Variants in USP6NL observed in about 807,000 individuals in gnomAD.
USP6NL encodes the protein USP6 N-terminal like.
In USP6NL, 26 loss-of-function variants were observed where a neutral mutation model predicts 61.9. The ratio of observed to expected loss-of-function variants is 0.42; its 90% CI spans 0.31 to 0.58. The LOEUF (loss-of-function observed/expected upper bound fraction) is 0.58. Among genes scored for constraint, USP6NL ranks in the 20% least tolerant of loss-of-function variants. The probability of loss-of-function intolerance (pLI) is 0.16; values close to 1 mark genes in which losing one functional copy is unlikely to be tolerated. For synonymous variants in USP6NL, 432 were observed against 390.1 expected (o/e 1.11, Z -1.27); for missense variants, 1,114 against 1,034.3 (o/e 1.08, Z -1.06).
intron 14 of USP6NL, among the ~76,000 whole-genome samples, chr10:11,471,246 G>C (rs1435159988): frequency 2.0e-5 from 3 of 152,074 alleles, no homozygotes; most frequent in Admixed American, 1.3e-4. Flanking sequence ...ATAGGAATTG[G>C]AATAAAGACT....
chr10:11,566,287 C>T (rs1837152003), intron 2 of USP6NL, among the ~76,000 whole-genome samples: 1 of 152,158 alleles, frequency 6.6e-6, no homozygotes, highest in Non-Finnish European at 1.5e-5. Flanking sequence ...CATATATAAA[C>T]AGTTTCTCAA....
intron 2 of USP6NL, chr10:11,564,877 T>A (rs1566184429): frequency 6.6e-6 from 1 of 152,258 alleles, no homozygotes; most frequent in Admixed American, 6.5e-5. Flanking sequence ...TCCATTAACA[T>A]GATACAAAGT....
chr10:11,490,033 G>A lies in USP6NL; in HGVS notation c.543+799C>T, dbSNP rs1833642649. Among the ~76,000 whole-genome samples the A allele has an allele frequency of 6.6e-6, 1 of 152,192 alleles. No individual in the cohort carries two copies. The highest frequency in any genetic ancestry group is 2.4e-5 in the African/African-American group (1 of 41,436). ...GCCCCCAGAATGGGAGAGATGGAAGGTGCAGCTTTCCTTCTCACCAGACGC... is the reference window on the plus strand; with the variant it reads ...GCCCCCAGAATGGGAGAGATGGAAGATGCAGCTTTCCTTCTCACCAGACGC... On this transcript the variant is annotated intron_variant, in intron 9 of 14. Coordinates refer to ENST00000609104, the MANE Select transcript of USP6NL (RefSeq NM_014688.5). The surrounding 1 kb of genome is among the most constrained non-coding windows in gnomAD (Gnocchi z 4.5).
chr10:11,527,659 T>A lies in USP6NL; in HGVS notation c.5-92A>T, dbSNP rs1479073347. 3 of 1,107,796 alleles carry A rather than the reference T, an allele frequency of 2.7e-6. No homozygotes were observed. In the African/African-American group the frequency reaches 4.8e-5, roughly 18 times the overall value. The allele number at this position is 1,107,796 out of a possible 1,614,324, so 68.6% of individuals were successfully genotyped here. On this transcript the variant is annotated intron_variant, in intron 2 of 14. Transcript: ENST00000609104. ...AACTAAGACATAATAAAACAAAAAA[T>A]AAATACTGCCTAAAATGACAAATCA...
chr10:11,510,241 T>C lies in USP6NL; in HGVS notation c.196-566A>G, dbSNP rs943096443. ...GACAATGGACAAGGAACACACTGCGTTGTGGCAGGCACTGGCACAGGCAGG... is the reference window on the plus strand; with the variant it reads ...GACAATGGACAAGGAACACACTGCGCTGTGGCAGGCACTGGCACAGGCAGG... On this transcript the variant is annotated intron_variant, in intron 5 of 14. Transcript: ENST00000609104. The surrounding 1 kb of genome is among the most constrained non-coding windows in gnomAD (Gnocchi z 4.8). Among the ~76,000 whole-genome samples, 21 of 152,186 alleles carry C rather than the reference T, an allele frequency of 1.4e-4. No homozygotes were observed. The highest frequency in any genetic ancestry group is 1.3e-3 in the Admixed American group (20 of 15,274).
chr10:11,483,302 A>G (rs1833282975), intron 13 of USP6NL, among the ~76,000 whole-genome samples: 1 of 151,864 alleles, frequency 6.6e-6, no homozygotes, highest in Non-Finnish European at 1.5e-5. Context: ...GGGTAAAGAA[A>G]CTTTTTACTT....
rs571303565 is a variant in USP6NL at position 11,476,617 on chromosome 10, G to T, written c.1078+5153C>A. ...TTACATCATATTTCTCTGTATTTTTGATAGTTTTCATAAGTAAAATAAAAG... is the reference window on the plus strand; with the variant it reads ...TTACATCATATTTCTCTGTATTTTTTATAGTTTTCATAAGTAAAATAAAAG... On this transcript the variant is annotated intron_variant, in intron 14 of 14. Transcript: ENST00000609104. This position sits in a 1 kb window ranked among gnomAD's most constrained non-coding sequence, Gnocchi z 4.3. Among the ~76,000 whole-genome samples the T allele has an allele frequency of 6.6e-6, 1 of 152,104 alleles. No homozygotes were observed. The highest frequency in any genetic ancestry group is 1.5e-5 in the Non-Finnish European group (1 of 67,992).
Position 11,562,835 on chromosome 10 carries a change from TAGTA to T in USP6NL, c.4+34792_4+34795del. ...TAGTAAATAAGTTTTAGAAGAATAA[TAGTA>T]AGGGTCTTTTGGTAGTTTCTTGAAA... is the stretch of plus-strand genomic sequence containing the variant. On this transcript the variant is annotated intron_variant, in intron 2 of 14. Coordinates refer to ENST00000609104, the MANE Select transcript of USP6NL (RefSeq NM_014688.5). This position sits in a 1 kb window ranked among gnomAD's most constrained non-coding sequence, Gnocchi z 4.8. 2 of 951,210 alleles carry T rather than the reference TAGTA, an allele frequency of 2.1e-6. No individual in the cohort carries two copies. 58.9% of individuals were successfully genotyped at this position (951,210 alleles called of 1,614,324 possible).
In USP6NL at chr10:11,556,726, A is replaced by G. The variant is rs370962351; in HGVS notation, c.5-29159T>C. On this transcript the variant is annotated intron_variant, in intron 2 of 14. Coordinates refer to ENST00000609104, the MANE Select transcript of USP6NL (RefSeq NM_014688.5). Reference sequence around the variant, plus strand: ...AACAATCAACCCAAGAGGAAGACCTAAGGATGGACCTAGTAACACAGTTTC... The same window carrying G: ...AACAATCAACCCAAGAGGAAGACCTGAGGATGGACCTAGTAACACAGTTTC... Among the ~76,000 whole-genome samples the G allele has an allele frequency of 8.5e-5, 13 of 152,364 alleles. No individual in the cohort carries two copies. In the South Asian group the frequency reaches 2.7e-3, roughly 32 times the overall value.
Position 11,496,657 on chromosome 10 carries a change from A to C in USP6NL, c.385-3429T>G, listed in dbSNP as rs1338571364. Among the ~76,000 whole-genome samples the C allele has an allele frequency of 6.6e-6, 1 of 152,184 alleles. No homozygotes were observed. Among genetic ancestry groups the C allele is most frequent in the Non-Finnish European group, 1.5e-5 (1 of 68,030 alleles). On this transcript the variant is annotated intron_variant, in intron 7 of 14. Transcript: ENST00000609104. This position sits in a 1 kb window ranked among gnomAD's most constrained non-coding sequence, Gnocchi z 5.4. ...ATACATATGTTATATTGACCTATTT[A>C]CCATGTACTGGTAATACGGACTTCT...
rs190250336 is a variant in USP6NL at position 11,505,661 on chromosome 10, T to A, written c.276+3934A>T. Among the ~76,000 whole-genome samples, 332 of 152,304 alleles carry A rather than the reference T, an allele frequency of 2.2e-3. 1 individual carries two copies. The highest frequency in any genetic ancestry group is 7.7e-3 in the African/African-American group (321 of 41,574). On this transcript the variant is annotated intron_variant, in intron 6 of 14. Transcript: ENST00000609104. ...AGTCTACAGTAGTCCCACAGAAACA[T>A]TTAAAAATCTATGGACTTAAAAAAA...
At chr10:11,542,175 T>G (rs190900812) in intron 2 of USP6NL, among the ~76,000 whole-genome samples, 1 of 152,204 alleles carries the variant, frequency 6.6e-6, no homozygotes, top group African/African-American at 2.4e-5. Flanking sequence ...TAATATTCAT[T>G]AATTCAGAAA....
chr10:11,541,107 T>G (rs1013714291), intron 2 of USP6NL, among the ~76,000 whole-genome samples: 2 of 151,562 alleles, frequency 1.3e-5, no homozygotes, highest in Non-Finnish European at 2.9e-5. Context: ...ATGTATCTCA[T>G]GTGTGCATGT....
At chr10:11,608,076 TA>T (rs1191207334) in intron 1 of USP6NL, among the ~76,000 whole-genome samples, 3 of 152,228 alleles carry the variant, frequency 2.0e-5, no homozygotes, top group Admixed American at 6.5e-5. Context: ...GGATTGCTAC[TA>T]CAGTTTTTTG....
In USP6NL at chr10:11,490,816, G is replaced by C. The variant is rs1346436202; in HGVS notation, c.543+16C>G. The C allele has an allele frequency of 6.4e-7, 1 of 1,552,414 alleles. No homozygotes were observed. Reference sequence around the variant, plus strand: ...AATACAACTCAAAGACCTTGGGCAGGCAGGCCCCAACTTACCGTGTTATAA... The same window carrying C: ...AATACAACTCAAAGACCTTGGGCAGCCAGGCCCCAACTTACCGTGTTATAA... On this transcript the variant is annotated intron_variant, in intron 9 of 14. Coordinates refer to ENST00000609104, the MANE Select transcript of USP6NL (RefSeq NM_014688.5). This position sits in a 1 kb window ranked among gnomAD's most constrained non-coding sequence, Gnocchi z 4.5.
At position 11,462,737 on chromosome 10, in the gene USP6NL, G is replaced by A; in HGVS notation, c.2191C>T (p.Pro731Ser). The A allele has an allele frequency of 1.2e-6, 2 of 1,614,002 alleles. No homozygotes were observed. Among genetic ancestry groups the A allele is most frequent in the Non-Finnish European group, 8.5e-7 (1 of 1,179,892 alleles). The change falls in exon 15 of 15, where the codon CCA (proline) becomes TCA (serine). Residue 731 changes from proline (P) to serine (S), a missense_variant. Coordinates refer to ENST00000609104, the MANE Select transcript of USP6NL (RefSeq NM_014688.5). Reference sequence around the variant, plus strand: ...ACTTCTGACCATGTTCTGTTATCTGGCAAGTAATCCACTGGTGGAATGATC... The same window carrying A: ...ACTTCTGACCATGTTCTGTTATCTGACAAGTAATCCACTGGTGGAATGATC... ...KLIIPPVDYL[P>S]DNRTWSEVSY...
Position 11,487,171 on chromosome 10 carries a change from C to G in USP6NL, c.665-1260G>C, listed in dbSNP as rs1833505581. Among the ~76,000 whole-genome samples, 1 of 152,120 alleles carries G rather than the reference C, an allele frequency of 6.6e-6. No homozygotes were observed. Among genetic ancestry groups the G allele is most frequent in the South Asian group, 2.1e-4 (1 of 4,824 alleles). ...GTCAATACAGTTCAGTAATAACTAGCTCAAGAATGCTAAGAAGCCTAACAG... is the reference window on the plus strand; with the variant it reads ...GTCAATACAGTTCAGTAATAACTAGGTCAAGAATGCTAAGAAGCCTAACAG... On this transcript the variant is annotated intron_variant, in intron 10 of 14. Coordinates refer to ENST00000609104, the MANE Select transcript of USP6NL (RefSeq NM_014688.5). The surrounding 1 kb of genome is among the most constrained non-coding windows in gnomAD (Gnocchi z 4.2).
chr10:11,580,015 T>A (rs1354969084), intron 2 of USP6NL, among the ~76,000 whole-genome samples: 1 of 129,796 alleles, frequency 7.7e-6, no homozygotes, highest in Non-Finnish European at 1.6e-5. Context: ...CAACAGGAGG[T>A]GGGGTACTAT....
At chr10:11,565,162 A>G (rs1376100426) in intron 2 of USP6NL, 1 of 152,236 alleles carries the variant, frequency 6.6e-6, no homozygotes, top group Non-Finnish European at 1.5e-5. Context: ...ACAAAAACTA[A>G]GTTTTGCTTC....
Sources: gnomAD v4.1 joint callset for allele counts (sites outside exome capture counted in the v4.1 genomes callset) on GRCh38, gnomAD v4.1.1 for gene constraint, Gnocchi (gnomAD v3.1) non-coding constraint, MANE v1.5 for transcripts, NCBI Gene and HGNC (gene_info 2026-07-23, HGNC 2026-07-21) for gene names.